Variants in STAG1 observed in about 807,000 individuals in gnomAD.
STAG1 encodes the protein cohesin subunit SA-1.
A neutral mutation model predicts 170.9 loss-of-function variants in STAG1; 26 were observed. The ratio of observed to expected loss-of-function variants is 0.15; its 90% CI spans 0.11 to 0.21. The LOEUF is 0.21. STAG1 is among the 10% of genes least tolerant of loss of function. The probability of loss-of-function intolerance (pLI) is 1.00; values close to 1 mark genes in which losing one functional copy is unlikely to be tolerated. For missense variants in STAG1, 964 were observed against 1,509.5 expected (o/e 0.64, Z 5.99); for synonymous variants, 514 against 497.7 (o/e 1.03, Z -0.44).
intron 5 of STAG1, among the ~76,000 whole-genome samples, chr3:136,558,441 A>T (rs190566044): frequency 6.6e-6 from 1 of 152,338 alleles, no homozygotes; most frequent in Admixed American, 6.5e-5. Flanking sequence ...ACAAAAGGTA[A>T]CATCGCAATA....
At chr3:136,562,558 CTACTT>C (rs1240948323) in intron 5 of STAG1, among the ~76,000 whole-genome samples, 1 of 151,736 alleles carries the variant, frequency 6.6e-6, no homozygotes, top group African/African-American at 2.4e-5. Flanking sequence ...TTTCTTTACT[CTACTT>C]TAAGCTAGAA....
At chr3:136,663,530 T>A (rs954450478) in intron 1 of STAG1, among the ~76,000 whole-genome samples, 1 of 152,168 alleles carries the variant, frequency 6.6e-6, no homozygotes, top group African/African-American at 2.4e-5. Flanking sequence ...ATTTTACAGG[T>A]AGGCTTCAGA....
intron 24 of STAG1, among the ~76,000 whole-genome samples, chr3:136,368,651 CTG>C (rs1937172320): frequency 6.6e-6 from 1 of 152,122 alleles, no homozygotes; most frequent in Non-Finnish European, 1.5e-5. Context: ...ATATGTCAAT[CTG>C]TGTGAGATGG....
chr3:136,465,130 G>T, intron 12 of STAG1, 142 bp from the exon 13 acceptor site: 1 of 532,620 alleles, frequency 1.9e-6, no homozygotes, highest in South Asian at 3.5e-5. Flanking sequence ...TGAAAGTAAT[G>T]TTTCCCCTTT....
At chr3:136,389,099 G>A (rs2086942856) in intron 22 of STAG1, among the ~76,000 whole-genome samples, 1 of 151,976 alleles carries the variant, frequency 6.6e-6, no homozygotes, top group South Asian at 2.1e-4. Flanking sequence ...CTTCTGATAA[G>A]CTTAGTGAAA....
At chr3:136,397,573 C>A (rs1188137880) in intron 22 of STAG1, among the ~76,000 whole-genome samples, 1 of 151,916 alleles carries the variant, frequency 6.6e-6, no homozygotes, top group Non-Finnish European at 1.5e-5. Context: ...AATTTTAAGA[C>A]AGACTCTTTT....
chr3:136,518,322 T>C (rs750397185), intron 7 of STAG1: 9 of 677,046 alleles, frequency 1.3e-5, no homozygotes, highest in African/African-American at 1.8e-5. Context: ...TAATCATATC[T>C]GGCCATAACT....
At chr3:136,751,661 C>T (rs1038928699) in intron 1 of STAG1, among the ~76,000 whole-genome samples, 5 of 152,142 alleles carry the variant, frequency 3.3e-5, no homozygotes, top group African/African-American at 1.2e-4. Flanking sequence ...ACCCCCCAGG[C>T]CCCTCCGCTG....
intron 5 of STAG1, among the ~76,000 whole-genome samples, chr3:136,567,490 A>T (rs988879179): frequency 2.0e-5 from 3 of 152,074 alleles, no homozygotes; most frequent in Non-Finnish European, 4.4e-5. Context: ...CTCATCTTTA[A>T]TCTCACATCA....
At chr3:136,433,457 T>A in intron 16 of STAG1, 99 bp downstream of exon 16, 4 of 821,378 alleles carry the variant, frequency 4.9e-6, no homozygotes, top group Non-Finnish European at 7.8e-6. Flanking sequence ...AAAAACACCA[T>A]GTTTTTAGGG....
At chr3:136,670,775 T>C (rs13098655) in intron 1 of STAG1, among the ~76,000 whole-genome samples, 3 of 151,910 alleles carry the variant, frequency 2.0e-5, no homozygotes, top group African/African-American at 7.3e-5. Flanking sequence ...CCCGGACTTG[T>C]TTTTTCTTTT....
At chr3:136,424,429 G>A (rs1026942602) in intron 16 of STAG1, among the ~76,000 whole-genome samples, 1 of 151,384 alleles carries the variant, frequency 6.6e-6, no homozygotes, top group African/African-American at 2.4e-5. Flanking sequence ...TTGCTTCCTG[G>A]GTTTGAGCGA....
At chr3:136,486,014 T>C (rs538612753) in intron 9 of STAG1, among the ~76,000 whole-genome samples, 1 of 152,360 alleles carries the variant, frequency 6.6e-6, no homozygotes, top group Non-Finnish European at 1.5e-5. Flanking sequence ...GGAGTTTCCT[T>C]AGAGCAGTGT....
intron 22 of STAG1, among the ~76,000 whole-genome samples, chr3:136,386,589 C>T (rs980255770): frequency 4.9e-4 from 75 of 152,214 alleles, no homozygotes; most frequent in Non-Finnish European, 3.2e-4. Flanking sequence ...AGTTTAATAC[C>T]TATACACACA....
intron 5 of STAG1, among the ~76,000 whole-genome samples, chr3:136,565,054 G>C (rs1439262772): frequency 0.016 from 214 of 13,372 alleles, 4 homozygotes; most frequent in African/African-American, 0.025. Flanking sequence ...GGGAGGGAGG[G>C]AGGGAGGGAG....
intron 25 of STAG1, 70 bp from the exon 26 acceptor site, chr3:136,363,537 G>A: frequency 4.1e-6 from 2 of 484,092 alleles, no homozygotes; most frequent in Non-Finnish European, 3.5e-6. Context: ...ATAGGTTGGT[G>A]TCACCTCCTT....
At chr3:136,721,386 A>C (rs1355971211) in intron 1 of STAG1, 2 of 152,206 alleles carry the variant, frequency 1.3e-5, no homozygotes, top group Non-Finnish European at 2.9e-5. Context: ...TTATCTTAGA[A>C]TCTTGTTGAA....
At chr3:136,673,614 T>C (rs1478217286) in intron 1 of STAG1, among the ~76,000 whole-genome samples, 1 of 152,148 alleles carries the variant, frequency 6.6e-6, no homozygotes, top group Admixed American at 6.5e-5. Flanking sequence ...TCTACCTCAA[T>C]TATGTCAACC....
In STAG1 at chr3:136,727,197, T is replaced by C. The variant is rs371978916; in HGVS notation, c.-84+24998A>G. Among the ~76,000 whole-genome samples the C allele has an allele frequency of 3.3e-5, 5 of 152,298 alleles. No homozygotes were observed. In the East Asian group the frequency reaches 5.8e-4, roughly 18 times the overall value. Reference sequence around the variant, plus strand: ...ATACCATCTGCCTTCTTTTCCAGTATATAAATGAAATGAAAAATGTATAAC... The same window carrying C: ...ATACCATCTGCCTTCTTTTCCAGTACATAAATGAAATGAAAAATGTATAAC... On this transcript the variant is annotated intron_variant, in intron 1 of 33. Transcript: ENST00000383202.
Sources: gnomAD v4.1 joint callset for allele counts (sites outside exome capture counted in the v4.1 genomes callset) on GRCh38, gnomAD v4.1.1 for gene constraint, MANE v1.5 for transcripts, NCBI Gene and HGNC (gene_info 2026-07-23, HGNC 2026-07-21) for gene names.